The following PTPN9 variants were observed in gnomAD, a reference collection of about 807,000 sequenced individuals.
PTPN9 encodes protein tyrosine phosphatase non-receptor type 9, also known as tyrosine-protein phosphatase non-receptor type 9.
A neutral mutation model predicts 69.8 loss-of-function variants in PTPN9; 26 were observed. The ratio of observed to expected loss-of-function variants is 0.37; its 90% confidence interval spans 0.27 to 0.52. PTPN9 has a LOEUF of 0.52. PTPN9 is among the 20% of genes least tolerant of loss of function. The pLI is 0.91. For missense variants in PTPN9, 549 were observed against 740.3 expected (o/e 0.74, Z 3.00); for synonymous variants, 274 against 272.5 (o/e 1.01, Z -0.05).
chr15:75,575,608 A>G (rs943429866), intron 1 of PTPN9, among the ~76,000 whole-genome samples: 14 of 152,166 alleles, frequency 9.2e-5, no homozygotes, highest in South Asian at 4.1e-4. Flanking sequence ...TTTAATTTTA[A>G]TATTTTAAAT....
chr15:75,469,054 G>T, intron 12 of PTPN9, 71 bp from the exon 13 acceptor site: 1 of 1,375,028 alleles, frequency 7.3e-7, no homozygotes, highest in Non-Finnish European at 1.0e-6. Flanking sequence ...AATAACCCAG[G>T]CAGAACTGAA....
chr15:75,521,231 C>T (rs1397766172), intron 4 of PTPN9, among the ~76,000 whole-genome samples: 6 of 149,738 alleles, frequency 4.0e-5, no homozygotes, highest in Admixed American at 2.0e-4. Flanking sequence ...GGATCACGAG[C>T]TCAGGTGATC....
intron 7 of PTPN9, among the ~76,000 whole-genome samples, chr15:75,496,629 T>C (rs2074743958): frequency 6.6e-6 from 1 of 151,940 alleles, no homozygotes; most frequent in African/African-American, 2.4e-5. Context: ...CCCAAGTAGC[T>C]GGGATTACAA....
At chr15:75,510,729 C>A (rs1188027495) in intron 5 of PTPN9, among the ~76,000 whole-genome samples, 2 of 151,092 alleles carry the variant, frequency 1.3e-5, no homozygotes, top group African/African-American at 4.9e-5. Context: ...ATATACACAA[C>A]AAAATTGACC....
At chr15:75,530,762 ATTAT>A (rs2074958854) in intron 1 of PTPN9, among the ~76,000 whole-genome samples, 1 of 83,778 alleles carries the variant, frequency 1.2e-5, no homozygotes, top group African/African-American at 4.8e-5. Flanking sequence ...AATATAATAT[ATTAT>A]TATAATTATT....
At chr15:75,519,958 G>A (rs1595959599) in intron 4 of PTPN9, among the ~76,000 whole-genome samples, 1 of 152,004 alleles carries the variant, frequency 6.6e-6, no homozygotes, top group Admixed American at 6.6e-5. Flanking sequence ...GTGAAACTCC[G>A]CCTCTACAAA....
intron 1 of PTPN9, among the ~76,000 whole-genome samples, chr15:75,573,657 A>C (rs1266945782): frequency 6.6e-6 from 1 of 152,240 alleles, no homozygotes; most frequent in Non-Finnish European, 1.5e-5. Flanking sequence ...TCAAGAGTAC[A>C]ACTACTCTTC....
At chr15:75,502,263 A>G in intron 7 of PTPN9, among the ~76,000 whole-genome samples, 1 of 152,216 alleles carries the variant, frequency 6.6e-6, no homozygotes, top group Non-Finnish European at 1.5e-5. Flanking sequence ...CCTGGACAAC[A>G]TCGTGAAACC....
At chr15:75,549,044 A>G (rs1595967651) in intron 1 of PTPN9, among the ~76,000 whole-genome samples, 1 of 151,700 alleles carries the variant, frequency 6.6e-6, no homozygotes, top group Admixed American at 6.6e-5. Flanking sequence ...CTGTAATTTC[A>G]AACTCCTGGG....
chr15:75,505,541 A>C, intron 7 of PTPN9, 134 bp downstream of exon 7: 1 of 596,768 alleles, frequency 1.7e-6, no homozygotes, highest in Non-Finnish European at 2.9e-6. Context: ...AGAAACCATC[A>C]TTTATGTGAG....
chr15:75,482,997 G>C (rs2074652747), intron 8 of PTPN9, among the ~76,000 whole-genome samples: 1 of 151,950 alleles, frequency 6.6e-6, no homozygotes, highest in Non-Finnish European at 1.5e-5. Flanking sequence ...TCATGGAAAT[G>C]CAAATCCATA....
intron 10 of PTPN9, 139 bp from the exon 11 acceptor site, chr15:75,470,969 CA>C: frequency 9.2e-7 from 1 of 1,083,400 alleles, no homozygotes; most frequent in East Asian, 2.5e-5. Context: ...TGATTCTCAG[CA>C]GAAAGGAAAG....
At chr15:75,482,880 G>T (rs906175448) in intron 8 of PTPN9, among the ~76,000 whole-genome samples, 2 of 151,836 alleles carry the variant, frequency 1.3e-5, no homozygotes, top group Non-Finnish European at 1.5e-5. Flanking sequence ...GCATAAACCC[G>T]GGAGATGGAG....
intron 1 of PTPN9, among the ~76,000 whole-genome samples, chr15:75,569,606 G>A (rs1179341159): frequency 2.7e-5 from 4 of 149,524 alleles, no homozygotes; most frequent in Non-Finnish European, 4.4e-5. Context: ...TTGGGAGGCT[G>A]AGGCTGGAAA....
intron 7 of PTPN9, among the ~76,000 whole-genome samples, chr15:75,490,939 C>T (rs1224898322): frequency 6.6e-6 from 1 of 150,670 alleles, no homozygotes; most frequent in East Asian, 2.0e-4. Context: ...GAGAGGTTAT[C>T]TCTAGAGAGA....
chr15:75,490,214 A>G lies in PTPN9; in HGVS notation c.1056T>C (p.His352=), dbSNP rs992176372. 9.3e-6 allele frequency: 15 copies of G among 1,607,170 alleles called. No homozygotes were observed. The highest frequency in any genetic ancestry group is 3.3e-4 in the Middle Eastern group (2 of 6,072). ...ATTACATTTATCTGTCTACCTGAGT[A>G]TGGCCACTTCGCTTTGTTAGCTTCA... ...TRVKLTKRSG[H]TQTDYINASF... The change falls in exon 8 of 13, where the codon CAT becomes CAC. Residue 352 remains histidine, a synonymous_variant. Transcript: ENST00000618819.
At chr15:75,549,699 A>G (rs2075048563) in intron 1 of PTPN9, among the ~76,000 whole-genome samples, 1 of 152,192 alleles carries the variant, frequency 6.6e-6, no homozygotes, top group South Asian at 2.1e-4. Context: ...GCTAAGGATA[A>G]CAAGAAGGGT....
At chr15:75,504,442 C>A (rs1360311016) in intron 7 of PTPN9, among the ~76,000 whole-genome samples, 8 of 136,016 alleles carry the variant, frequency 5.9e-5, no homozygotes, top group East Asian at 2.4e-4. Context: ...GGGGGATCAG[C>A]CCCCCGCCCG....
chr15:75,546,099 T>G (rs771847704), intron 1 of PTPN9, among the ~76,000 whole-genome samples: 9 of 152,210 alleles, frequency 5.9e-5, no homozygotes, highest in Non-Finnish European at 1.2e-4. Context: ...ACTTATTTAT[T>G]TTTGTCTTTT....
Sources: gnomAD v4.1 joint callset for allele counts (sites outside exome capture counted in the v4.1 genomes callset) on GRCh38, gnomAD v4.1.1 for gene constraint, MANE v1.5 for transcripts, NCBI Gene and HGNC (gene_info 2026-07-23, HGNC 2026-07-21) for gene names.